Variants in OSTF1 observed in about 807,000 individuals in gnomAD.
OSTF1 encodes osteoclast-stimulating factor 1.
In OSTF1, 27 loss-of-function variants were observed where a neutral mutation model predicts 37.2. The observed-to-expected ratio is 0.73, with a 90% CI of 0.54 to 1.00. The LOEUF is 1.00. Among genes scored for constraint, OSTF1 ranks in the 50% least tolerant of loss-of-function variants. The pLI is 0.00. For missense variants in OSTF1, 232 were observed against 253.8 expected (o/e 0.91, Z 0.58); for synonymous variants, 82 against 89.2 (o/e 0.92, Z 0.46).
intron 1 of OSTF1, among the ~76,000 whole-genome samples, chr9:75,093,311 G>C (rs762226911): frequency 3.3e-5 from 5 of 152,104 alleles, no homozygotes; most frequent in Admixed American, 1.3e-4. Context: ...GCGTGAATCT[G>C]TCTGGCTTGT....
chr9:75,107,150 G>C (rs1825302451), intron 1 of OSTF1, among the ~76,000 whole-genome samples: 1 of 149,504 alleles, frequency 6.7e-6, no homozygotes, highest in South Asian at 2.1e-4. Context: ...GCTGTTTTCT[G>C]TCACCCCAAG....
intron 9 of OSTF1, among the ~76,000 whole-genome samples, chr9:75,143,861 G>C (rs1332987129): frequency 1.3e-5 from 2 of 152,218 alleles, no homozygotes; most frequent in African/African-American, 4.8e-5. Context: ...AACTGCCTCA[G>C]AACAGTTCAT....
At chr9:75,122,090 C>T (rs1251438655) in intron 2 of OSTF1, among the ~76,000 whole-genome samples, 3 of 152,208 alleles carry the variant, frequency 2.0e-5, no homozygotes, top group Non-Finnish European at 2.9e-5. Flanking sequence ...TCACCCAGCT[C>T]CTTTTAATAA....
intron 7 of OSTF1, among the ~76,000 whole-genome samples, chr9:75,135,248 G>A (rs1401998680): frequency 1.3e-5 from 2 of 152,168 alleles, no homozygotes; most frequent in African/African-American, 2.4e-5. Context: ...TTAGAATTTT[G>A]AAGGCATGGC....
chr9:75,109,260 C>G (rs1825343975), intron 1 of OSTF1, among the ~76,000 whole-genome samples: 1 of 152,124 alleles, frequency 6.6e-6, no homozygotes, highest in Non-Finnish European at 1.5e-5. Flanking sequence ...GATCTGCCCG[C>G]CTCCACCTCC....
At chr9:75,105,034 G>C (rs544655237) in intron 1 of OSTF1, among the ~76,000 whole-genome samples, 2 of 152,322 alleles carry the variant, frequency 1.3e-5, no homozygotes, top group Admixed American at 6.5e-5. Flanking sequence ...CTGGCCCATG[G>C]TAAGTGTCCC....
intron 3 of OSTF1, among the ~76,000 whole-genome samples, chr9:75,129,710 A>G (rs1285599221): frequency 6.6e-6 from 1 of 152,172 alleles, no homozygotes; most frequent in Non-Finnish European, 1.5e-5. Flanking sequence ...TACAGAACAA[A>G]CCAACTGGAT....
intron 8 of OSTF1, among the ~76,000 whole-genome samples, chr9:75,139,058 T>TCTTTTCTTTTCTTTTCTTTTCTTTTC (rs796945154): frequency 2.1e-5 from 1 of 47,250 alleles, no homozygotes; most frequent in African/African-American, 9.0e-5. Context: ...TTCTTTCTTT[T>TCTTTTCTTTTCTTTTCTTTTCTTTTC]TTTTTTGAAA....
chr9:75,111,959 G>T (rs1825398816), intron 1 of OSTF1, among the ~76,000 whole-genome samples: 1 of 150,964 alleles, frequency 6.6e-6, no homozygotes, highest in Admixed American at 6.6e-5. Context: ...GAGTAGCTGG[G>T]ATTACAGGTG....
chr9:75,133,474 A>G, intron 6 of OSTF1, 73 bp downstream of exon 6: 1 of 879,130 alleles, frequency 1.1e-6, no homozygotes, highest in Non-Finnish European at 1.9e-6. Context: ...CAGATTTACA[A>G]AAAATGAGAA....
chr9:75,104,721 A>G (rs1205473256), intron 1 of OSTF1, among the ~76,000 whole-genome samples: 1 of 152,204 alleles, frequency 6.6e-6, no homozygotes, highest in South Asian at 2.1e-4. Context: ...GCTAACATTT[A>G]TGGGCACGTA....
intron 1 of OSTF1, among the ~76,000 whole-genome samples, chr9:75,096,608 A>G (rs191541670): frequency 4.9e-4 from 74 of 152,334 alleles, no homozygotes; most frequent in African/African-American, 1.7e-3. Context: ...TGAGAAACTC[A>G]TGGATTCTAT....
chr9:75,097,381 C>A (rs1263062519), intron 1 of OSTF1, among the ~76,000 whole-genome samples: 1 of 152,172 alleles, frequency 6.6e-6, no homozygotes, highest in Non-Finnish European at 1.5e-5. Context: ...AAAACCTATT[C>A]TGTATCTAAA....
At chr9:75,100,142 A>G (rs768710615) in intron 1 of OSTF1, among the ~76,000 whole-genome samples, 1 of 152,334 alleles carries the variant, frequency 6.6e-6, no homozygotes, top group East Asian at 1.9e-4. Context: ...CTGAAAGCCT[A>G]CAATTTAAAT....
At chr9:75,091,476 C>T (rs1043194887) in intron 1 of OSTF1, among the ~76,000 whole-genome samples, 1 of 152,164 alleles carries the variant, frequency 6.6e-6, no homozygotes, top group Non-Finnish European at 1.5e-5. Context: ...AGGGAGGGGC[C>T]TCTGGTCTAC....
At chr9:75,102,514 AGT>A (rs2118426449) in intron 1 of OSTF1, among the ~76,000 whole-genome samples, 2 of 152,338 alleles carry the variant, frequency 1.3e-5, no homozygotes, top group African/African-American at 2.4e-5. Flanking sequence ...ACGTTTTATG[AGT>A]GTGTGTGTCC....
At chr9:75,112,898 C>A (rs563628828) in intron 1 of OSTF1, among the ~76,000 whole-genome samples, 1 of 152,146 alleles carries the variant, frequency 6.6e-6, no homozygotes, top group Non-Finnish European at 1.5e-5. Flanking sequence ...TTGGAAAGTT[C>A]GAAGTAATCA....
At position 75,146,745 on chromosome 9, in the gene OSTF1, C is replaced by G. The variant is rs371298972; in HGVS notation, c.*4C>G. 7.5e-6 allele frequency: 12 copies of G among 1,594,102 alleles called. No homozygotes were observed. Among genetic ancestry groups the G allele is most frequent in the African/African-American group, 1.3e-5 (1 of 74,304 alleles). ...CGATGATGAAGACTCAGATTAATTC[C>G]TTTCTGGAGCTTTGAGATCTAAAAC... On this transcript the variant is annotated 3_prime_UTR_variant, in exon 10 of 10. Transcript: ENST00000346234.
chr9:75,090,874 G>C (rs1048046332), intron 1 of OSTF1, among the ~76,000 whole-genome samples: 1 of 152,168 alleles, frequency 6.6e-6, no homozygotes, highest in Non-Finnish European at 1.5e-5. Context: ...CTGTGTGTTA[G>C]GCAATGGTAT....
Sources: gnomAD v4.1 joint callset for allele counts (sites outside exome capture counted in the v4.1 genomes callset) on GRCh38, gnomAD v4.1.1 for gene constraint, MANE v1.5 for transcripts, NCBI Gene and HGNC (gene_info 2026-07-23, HGNC 2026-07-21) for gene names.